The following HHLA2 variants were observed in gnomAD, a reference collection of about 807,000 sequenced individuals.
HHLA2 encodes HERV-H LTR-associating protein 2.
HHLA2 carries 48 observed loss-of-function variants against 45.9 expected under a neutral mutation model. The observed-to-expected ratio is 1.05, with a 90% CI of 0.83 to 1.33. The LOEUF (loss-of-function observed/expected upper bound fraction) is 1.33. Among genes scored for constraint, HHLA2 ranks in the 40% most tolerant of loss-of-function variants. HHLA2 has a pLI of 0.00. For missense variants in HHLA2, 462 were observed against 494.3 expected (o/e 0.93, Z 0.62); for synonymous variants, 161 against 173.9 (o/e 0.93, Z 0.59).
chr3:108,346,449 G>A (rs768401561), intron 3 of HHLA2, among the ~76,000 whole-genome samples: 2 of 152,172 alleles, frequency 1.3e-5, no homozygotes, highest in African/African-American at 2.4e-5. Flanking sequence ...TGAGCACTGT[G>A]GTGAGGCACA....
chr3:108,313,247 GA>G (rs1177277962), intron 2 of HHLA2, among the ~76,000 whole-genome samples: 1 of 152,082 alleles, frequency 6.6e-6, no homozygotes, highest in Non-Finnish European at 1.5e-5. Flanking sequence ...CTTTATTTTG[GA>G]AAAAGGCTGG....
chr3:108,315,698 T>C (rs2081090301), intron 2 of HHLA2, among the ~76,000 whole-genome samples: 1 of 152,216 alleles, frequency 6.6e-6, no homozygotes, highest in African/African-American at 2.4e-5. Context: ...TCTCTTGGTA[T>C]TTTAAAAGGG....
intron 2 of HHLA2, among the ~76,000 whole-genome samples, chr3:108,315,207 T>C (rs2081082736): frequency 6.6e-6 from 1 of 152,140 alleles, no homozygotes; most frequent in South Asian, 2.1e-4. Context: ...AGCCTTAAGT[T>C]CAGAGCTGAG....
chr3:108,376,460 A>ATTAT, intron 9 of HHLA2, 33 bp from the exon 9 acceptor site: 1 of 1,571,022 alleles, frequency 6.4e-7, no homozygotes, highest in South Asian at 1.2e-5. Flanking sequence ...TTGCAAAGAA[A>ATTAT]TTATTTTTAA....
exon 5 of HHLA2, chr3:108,353,667 G>T: frequency 6.2e-7 from 1 of 1,613,636 alleles, no homozygotes. Context: ...ATTCAAAATG[G>T]GAATGCGTCG....
chr3:108,375,631 T>A, intron 8 of HHLA2, 119 bp from the exon 8 acceptor site: 1 of 1,300,802 alleles, frequency 7.7e-7, no homozygotes, highest in Non-Finnish European at 1.0e-6. Context: ...CGAAAAACCC[T>A]TCAAAGAACC....
chr3:108,359,909 G>A lies in HHLA2; in HGVS notation c.1003+1748G>A, dbSNP rs139590530. On this transcript the variant is annotated intron_variant, in intron 7 of 10. Coordinates refer to ENST00000619531, the Ensembl canonical transcript of HHLA2. ...TACGAGGATTAATCTGTCCTTCCAT[G>A]TTTATGCCTTGGTGCCTCATTCACA... 3.3e-5 allele frequency among the ~76,000 whole-genome samples: 5 copies of A among 152,164 alleles called. No homozygotes were observed. In the East Asian group the frequency reaches 9.7e-4, roughly 29 times the overall value.
intron 7 of HHLA2, among the ~76,000 whole-genome samples, chr3:108,360,123 C>G (rs2081962715): frequency 6.8e-6 from 1 of 147,986 alleles, no homozygotes; most frequent in Non-Finnish European, 1.5e-5. Flanking sequence ...CTATCCTCTA[C>G]TTGCAATAAA....
intron 7 of HHLA2, among the ~76,000 whole-genome samples, chr3:108,359,015 C>T (rs1482070038): frequency 2.0e-5 from 3 of 152,032 alleles, no homozygotes; most frequent in South Asian, 2.1e-4. Context: ...AATAACACTC[C>T]CTTTGTAGAG....
At chr3:108,315,027 C>T (rs557925896) in intron 2 of HHLA2, among the ~76,000 whole-genome samples, 1 of 152,322 alleles carries the variant, frequency 6.6e-6, no homozygotes, top group African/African-American at 2.4e-5. Context: ...AATTTATTTT[C>T]AGCTCTTCAG....
At chr3:108,320,003 C>T (rs1454486270) in intron 2 of HHLA2, among the ~76,000 whole-genome samples, 1 of 152,200 alleles carries the variant, frequency 6.6e-6, no homozygotes, top group Non-Finnish European at 1.5e-5. Flanking sequence ...TAAACAACAG[C>T]ATGTCATGAC....
chr3:108,329,451 A>G (rs2081346534), intron 3 of HHLA2, among the ~76,000 whole-genome samples: 1 of 152,190 alleles, frequency 6.6e-6, no homozygotes, highest in African/African-American at 2.4e-5. Flanking sequence ...AGCACAAATT[A>G]CTGTCTTTGG....
At chr3:108,369,796 G>A (rs909007108) in intron 8 of HHLA2, among the ~76,000 whole-genome samples, 2 of 152,206 alleles carry the variant, frequency 1.3e-5, no homozygotes, top group Admixed American at 1.3e-4. Context: ...GGCTTGAGTA[G>A]GTAAACAAAG....
At chr3:108,327,072 A>C (rs946586775) in intron 2 of HHLA2, among the ~76,000 whole-genome samples, 2 of 152,088 alleles carry the variant, frequency 1.3e-5, no homozygotes, top group Non-Finnish European at 1.5e-5. Context: ...TTTTTGCTAC[A>C]ATTTTGGGTT....
intron 1 of HHLA2, among the ~76,000 whole-genome samples, chr3:108,299,666 TAAGAG>T (rs2080819430): frequency 6.6e-6 from 1 of 152,048 alleles, no homozygotes. Flanking sequence ...GATTTGCTGA[TAAGAG>T]AGGAGGAAGG....
chr3:108,345,729 C>A (rs1177421679), intron 3 of HHLA2, among the ~76,000 whole-genome samples: 1 of 152,220 alleles, frequency 6.6e-6, no homozygotes, highest in Non-Finnish European at 1.5e-5. Flanking sequence ...TGTTTCCAGA[C>A]TCAAACACAA....
At chr3:108,348,745 C>A (rs576941116) in intron 3 of HHLA2, among the ~76,000 whole-genome samples, 4 of 152,062 alleles carry the variant, frequency 2.6e-5, no homozygotes, top group African/African-American at 9.6e-5. Context: ...GTTTGCTGCA[C>A]CCATCAACCC....
At chr3:108,356,012 C>T (rs1415832261) in intron 6 of HHLA2, among the ~76,000 whole-genome samples, 3 of 146,600 alleles carry the variant, frequency 2.0e-5, no homozygotes, top group Non-Finnish European at 4.5e-5. Flanking sequence ...TATCCAAGTC[C>T]AAGAAAATTT....
chr3:108,355,876 C>T (rs1462764175), intron 6 of HHLA2, among the ~76,000 whole-genome samples: 2 of 152,134 alleles, frequency 1.3e-5, no homozygotes, highest in Admixed American at 6.6e-5. Flanking sequence ...CAATCTTTAT[C>T]CAACACCTCT....
Sources: allele counts gnomAD v4.1 joint callset (sites outside exome capture counted in the v4.1 genomes callset), GRCh38; gene constraint gnomAD v4.1.1; transcripts MANE v1.5; gene names NCBI Gene and HGNC (gene_info 2026-07-23, HGNC 2026-07-21).